The following TENM4 variants were observed in gnomAD, a reference collection of about 807,000 sequenced individuals.
The protein encoded by TENM4 is teneurin-4.
In TENM4, 82 loss-of-function variants were observed where a neutral mutation model predicts 243.3. The observed-to-expected ratio is 0.34, with a 90% CI of 0.28 to 0.40. The LOEUF (loss-of-function observed/expected upper bound fraction) is 0.40. Ranked by LOEUF, TENM4 falls within the 10% of genes least tolerant of loss-of-function variation. The probability of loss-of-function intolerance (pLI) is 1.00; values close to 1 mark genes in which losing one functional copy is unlikely to be tolerated. For missense variants in TENM4, 3,138 were observed against 3,673.3 expected (o/e 0.85, Z 3.77); for synonymous variants, 1,412 against 1,456.3 (o/e 0.97, Z 0.69).
chr11:78,803,573 G>C (rs1361240551), intron 15 of TENM4, among the ~76,000 whole-genome samples: 1 of 152,164 alleles, frequency 6.6e-6, no homozygotes, highest in Non-Finnish European at 1.5e-5. Context: ...CACCAGTTAC[G>C]GGGAGTGGTA....
At chr11:79,135,052 C>T (rs1392325756) in intron 4 of TENM4, among the ~76,000 whole-genome samples, 1 of 152,090 alleles carries the variant, frequency 6.6e-6, no homozygotes, top group Non-Finnish European at 1.5e-5. Context: ...GCAGAGTAAA[C>T]AGACAACTCA....
At chr11:79,100,745 G>A (rs1011827504) in intron 4 of TENM4, among the ~76,000 whole-genome samples, 3 of 152,156 alleles carry the variant, frequency 2.0e-5, no homozygotes, top group African/African-American at 7.2e-5. Context: ...GTGACAAGTG[G>A]CAACCTGCTC....
At chr11:78,984,020 G>C (rs604056) in intron 6 of TENM4, among the ~76,000 whole-genome samples, 1 of 151,988 alleles carries the variant, frequency 6.6e-6, no homozygotes, top group Non-Finnish European at 1.5e-5. Context: ...GAGGAGGAGT[G>C]GGAGGCAGGC....
At chr11:78,895,859 A>G (rs1195624824) in intron 7 of TENM4, among the ~76,000 whole-genome samples, 1 of 152,216 alleles carries the variant, frequency 6.6e-6, no homozygotes, top group African/African-American at 2.4e-5. Flanking sequence ...CACAGCCCTG[A>G]GCTGCCTCTC....
intron 9 of TENM4, among the ~76,000 whole-genome samples, chr11:78,872,913 G>A (rs1017071587): frequency 6.6e-6 from 1 of 152,166 alleles, no homozygotes; most frequent in Non-Finnish European, 1.5e-5. Flanking sequence ...GTATTATTAG[G>A]AGAGGCCTTT....
chr11:79,012,137 G>T (rs546627746), intron 6 of TENM4, among the ~76,000 whole-genome samples: 1 of 152,296 alleles, frequency 6.6e-6, no homozygotes, highest in South Asian at 2.1e-4. Flanking sequence ...CCTCTGTCCT[G>T]GGGGACGCAA....
chr11:78,955,044 G>C (rs1857179725), intron 6 of TENM4, among the ~76,000 whole-genome samples: 1 of 152,174 alleles, frequency 6.6e-6, no homozygotes, highest in Non-Finnish European at 1.5e-5. Context: ...GTTTGTAACT[G>C]GGAAACTGAG....
At chr11:78,666,092 C>G (rs757956356) in intron 32 of TENM4, among the ~76,000 whole-genome samples, 4 of 152,050 alleles carry the variant, frequency 2.6e-5, no homozygotes, top group Non-Finnish European at 5.9e-5. Flanking sequence ...AATGAAGATG[C>G]ATGTAGTCTA....
At chr11:78,809,687 G>C (rs913526903) in intron 14 of TENM4, among the ~76,000 whole-genome samples, 11 of 152,222 alleles carry the variant, frequency 7.2e-5, no homozygotes, top group African/African-American at 2.4e-4. Flanking sequence ...GGTCAGGGAG[G>C]TGGGCTGGCC....
chr11:79,072,676 A>G (rs1860445466), intron 4 of TENM4, among the ~76,000 whole-genome samples: 1 of 152,180 alleles, frequency 6.6e-6, no homozygotes, highest in Non-Finnish European at 1.5e-5. Flanking sequence ...TATAACTCTA[A>G]ATTGATATCA....
chr11:79,037,733 G>C (rs1256499484), intron 6 of TENM4, among the ~76,000 whole-genome samples: 1 of 152,162 alleles, frequency 6.6e-6, no homozygotes, highest in African/African-American at 2.4e-5. Context: ...AAGAAAGCCA[G>C]TGGACACTTA....
chr11:78,724,398 A>G (rs1855468971), intron 23 of TENM4, among the ~76,000 whole-genome samples: 1 of 152,200 alleles, frequency 6.6e-6, no homozygotes, highest in South Asian at 2.1e-4. Flanking sequence ...GGCCTTTTAA[A>G]TATTTTCTTC....
intron 1 of TENM4, among the ~76,000 whole-genome samples, chr11:79,336,199 G>T (rs1367864710): frequency 6.6e-6 from 1 of 152,100 alleles, no homozygotes; most frequent in Non-Finnish European, 1.5e-5. Flanking sequence ...TTGAGGGGTG[G>T]GAAGGAGGTA....
chr11:78,863,257 C>T (rs1227422710), intron 9 of TENM4, 125 bp from the exon 10 acceptor site: 20 of 1,110,102 alleles, frequency 1.8e-5, no homozygotes, highest in Admixed American at 6.3e-5. Context: ...ACAAGTAGCC[C>T]CAAAAGGAAG....
chr11:78,943,354 C>T (rs796866204), intron 6 of TENM4, among the ~76,000 whole-genome samples: 8 of 152,258 alleles, frequency 5.3e-5, no homozygotes, highest in African/African-American at 1.7e-4. Flanking sequence ...AAAAAAAGGA[C>T]GCCTTGGTGT....
intron 6 of TENM4, among the ~76,000 whole-genome samples, chr11:78,938,349 C>T (rs937202316): frequency 1.6e-4 from 24 of 152,184 alleles, no homozygotes; most frequent in African/African-American, 5.8e-4. Flanking sequence ...CACCCAGCAT[C>T]TCTCAGTGAT....
At chr11:78,814,502 G>C (rs1857564438) in intron 12 of TENM4, 107 bp from the exon 13 acceptor site, 2 of 848,434 alleles carry the variant, frequency 2.4e-6, no homozygotes, top group East Asian at 5.8e-5. Flanking sequence ...TTGAGCTCTT[G>C]TGGCCCCGTC....
intron 1 of TENM4, among the ~76,000 whole-genome samples, chr11:79,420,494 A>G (rs1288336356): frequency 6.6e-6 from 1 of 152,252 alleles, no homozygotes; most frequent in Non-Finnish European, 1.5e-5. Context: ...AGAGTGCTAA[A>G]AATGGTTTTG....
At chr11:79,336,485 A>C (rs1857150106) in intron 1 of TENM4, among the ~76,000 whole-genome samples, 2 of 152,228 alleles carry the variant, frequency 1.3e-5, no homozygotes, top group African/African-American at 4.8e-5. Context: ...AATAGCCAGC[A>C]CATAGTAGGT....
Sources: allele counts gnomAD v4.1 joint callset (sites outside exome capture counted in the v4.1 genomes callset), GRCh38; gene constraint gnomAD v4.1.1; transcripts MANE v1.5; gene names NCBI Gene and HGNC (gene_info 2026-07-23, HGNC 2026-07-21).